CCDC91: variants seen among roughly 807,000 people sequenced by gnomAD.
The protein encoded by CCDC91 is coiled-coil domain containing 91, also known as coiled-coil domain-containing protein 91.
Under a neutral mutation model 63.2 loss-of-function variants are expected in CCDC91, and 48 were observed. The observed-to-expected ratio is 0.76, with a 90% CI of 0.60 to 0.97. The LOEUF (loss-of-function observed/expected upper bound fraction) is 0.97. Among genes scored for constraint, CCDC91 ranks in the 50% least tolerant of loss-of-function variants. The pLI, the probability that CCDC91 is intolerant of heterozygous loss-of-function variation, is 0.00. For missense variants in CCDC91, 500 were observed against 494.6 expected (o/e 1.01, Z -0.10); for synonymous variants, 167 against 165.8 (o/e 1.01, Z -0.06).
intron 8 of CCDC91, among the ~76,000 whole-genome samples, chr12:28,430,655 A>G (rs1044703044): frequency 3.9e-4 from 60 of 152,168 alleles, no homozygotes; most frequent in African/African-American, 1.3e-3. Context: ...GAATTTTTCC[A>G]TAAACATGTA....
chr12:28,285,998 C>A (rs1053850007), intron 3 of CCDC91, among the ~76,000 whole-genome samples: 1 of 151,876 alleles, frequency 6.6e-6, no homozygotes, highest in Non-Finnish European at 1.5e-5. Flanking sequence ...CAGTGTCTAC[C>A]CTGGAGTACT....
chr12:28,344,183 T>C (rs1316590456), intron 6 of CCDC91, among the ~76,000 whole-genome samples: 1 of 152,110 alleles, frequency 6.6e-6, no homozygotes, highest in Non-Finnish European at 1.5e-5. Context: ...AAGAATCCAA[T>C]GTAGTCACTA....
intron 3 of CCDC91, among the ~76,000 whole-genome samples, chr12:28,300,013 C>T (rs1483037283): frequency 6.7e-6 from 1 of 149,684 alleles, no homozygotes; most frequent in Non-Finnish European, 1.5e-5. Flanking sequence ...AGTTTTTTTT[C>T]TAAGTTGTTA....
chr12:28,271,853 A>G (rs1464386365), intron 3 of CCDC91, among the ~76,000 whole-genome samples: 1 of 149,978 alleles, frequency 6.7e-6, no homozygotes, highest in Non-Finnish European at 1.5e-5. Flanking sequence ...ATATATAAGT[A>G]TTGTATATGC....
chr12:28,252,569 G>T (rs1230506680), intron 1 of CCDC91, among the ~76,000 whole-genome samples: 8 of 151,718 alleles, frequency 5.3e-5, no homozygotes, highest in Non-Finnish European at 8.8e-5. Flanking sequence ...CCTCAGTCTT[G>T]TTGTTTACTC....
chr12:28,289,475 T>C (rs1291719513), intron 3 of CCDC91, among the ~76,000 whole-genome samples: 2 of 152,140 alleles, frequency 1.3e-5, no homozygotes, highest in African/African-American at 2.4e-5. Context: ...TCAATTTTCA[T>C]GTATTTGAAT....
chr12:28,498,464 A>G lies in CCDC91; in HGVS notation c.1215+14299A>G, dbSNP rs543126016. Among the ~76,000 whole-genome samples the G allele has an allele frequency of 2.0e-5, 3 of 151,754 alleles. No homozygotes were observed. In the South Asian group the frequency reaches 6.2e-4, roughly 31 times the overall value. ...TGCTGATATCTCCAAAGCAAGTTATATGGTCAAGTCCAAGGTCAAGAAGCA... is the reference window on the plus strand; with the variant it reads ...TGCTGATATCTCCAAAGCAAGTTATGTGGTCAAGTCCAAGGTCAAGAAGCA... On this transcript the variant is annotated intron_variant, in intron 12 of 12. Coordinates refer to ENST00000536442, the MANE Select transcript of CCDC91 (RefSeq NM_018318.5).
intron 8 of CCDC91, among the ~76,000 whole-genome samples, chr12:28,441,447 G>A (rs1949204079): frequency 6.6e-6 from 1 of 151,994 alleles, no homozygotes; most frequent in African/African-American, 2.4e-5. Context: ...AGTTCTAAAT[G>A]TCTATCTTCA....
chr12:28,542,659 T>C (rs1942710220), intron 12 of CCDC91, among the ~76,000 whole-genome samples: 1 of 152,094 alleles, frequency 6.6e-6, no homozygotes, highest in Non-Finnish European at 1.5e-5. Flanking sequence ...CAAATTATTC[T>C]TAACATGTAT....
intron 6 of CCDC91, among the ~76,000 whole-genome samples, chr12:28,359,782 C>CTTTCTTTTTTTTTTTTTTTTTTTTTTTTT (rs1565853546): frequency 7.9e-5 from 12 of 152,082 alleles, no homozygotes; most frequent in African/African-American, 2.9e-4. Flanking sequence ...CAGAATATTT[C>CTTTCTTTTTTTTTTTTTTTTTTTTTTTTT]TATTTACTTT....
At chr12:28,321,503 C>A (rs1224684260) in intron 6 of CCDC91, among the ~76,000 whole-genome samples, 1 of 151,762 alleles carries the variant, frequency 6.6e-6, no homozygotes, top group East Asian at 1.9e-4. Flanking sequence ...GCTCTCATCC[C>A]CATTTTGATG....
At chr12:28,428,821 A>G (rs1283798409) in intron 8 of CCDC91, among the ~76,000 whole-genome samples, 2 of 152,042 alleles carry the variant, frequency 1.3e-5, no homozygotes, top group Non-Finnish European at 1.5e-5. Context: ...ATTTCATCAT[A>G]ATTATAAGGT....
intron 1 of CCDC91, among the ~76,000 whole-genome samples, chr12:28,246,960 G>A (rs1945781898): frequency 6.6e-6 from 1 of 152,210 alleles, no homozygotes. Context: ...TAGTAATAGT[G>A]TAGTTTCATA....
chr12:28,365,280 A>T (rs749360949), intron 7 of CCDC91, among the ~76,000 whole-genome samples: 1 of 152,198 alleles, frequency 6.6e-6, no homozygotes, highest in Non-Finnish European at 1.5e-5. Context: ...AATAGTTTTC[A>T]CTTATGATTT....
At chr12:28,298,000 C>T (rs550301359) in intron 3 of CCDC91, among the ~76,000 whole-genome samples, 79 of 151,660 alleles carry the variant, frequency 5.2e-4, no homozygotes, top group Non-Finnish European at 1.1e-3. Context: ...AGGGCAGTCA[C>T]CTTAAATTAG....
chr12:28,346,846 C>T (rs1942845474), intron 6 of CCDC91, among the ~76,000 whole-genome samples: 1 of 152,156 alleles, frequency 6.6e-6, no homozygotes, highest in Non-Finnish European at 1.5e-5. Context: ...CCTTCAACCT[C>T]TATCCTTTCC....
chr12:28,371,248 C>A (rs1345388603), intron 7 of CCDC91, among the ~76,000 whole-genome samples: 2 of 152,116 alleles, frequency 1.3e-5, no homozygotes, highest in Non-Finnish European at 1.5e-5. Flanking sequence ...GGCAAGCAAG[C>A]ATTACTGCCT....
intron 8 of CCDC91, among the ~76,000 whole-genome samples, chr12:28,443,184 C>T (rs1949321078): frequency 6.7e-6 from 1 of 148,680 alleles, no homozygotes; most frequent in South Asian, 2.1e-4. Flanking sequence ...ATCTAGGTCT[C>T]TAATTCTTCT....
intron 1 of CCDC91, among the ~76,000 whole-genome samples, chr12:28,204,723 TG>T (rs1251509505): frequency 6.6e-6 from 1 of 152,172 alleles, no homozygotes; most frequent in Non-Finnish European, 1.5e-5. Context: ...GTCTCATGTT[TG>T]GGTGGTATAT....
Sources: gnomAD v4.1 joint callset for allele counts (sites outside exome capture counted in the v4.1 genomes callset) on GRCh38, gnomAD v4.1.1 for gene constraint, MANE v1.5 for transcripts, NCBI Gene and HGNC (gene_info 2026-07-23, HGNC 2026-07-21) for gene names.